Variants in SUSD6 observed in about 807,000 individuals in gnomAD.
SUSD6 encodes sushi domain containing 6.
Under a neutral mutation model 28.4 loss-of-function variants are expected in SUSD6, and 16 were observed. The observed-to-expected ratio is 0.56, with a 90% CI of 0.38 to 0.86. The LOEUF is 0.86. Among genes scored for constraint, SUSD6 ranks in the 40% least tolerant of loss-of-function variants. The pLI, the probability that SUSD6 is intolerant of heterozygous loss-of-function variation, is 0.00. For synonymous variants in SUSD6, 147 were observed against 159.6 expected (o/e 0.92, Z 0.59); for missense variants, 341 against 384.2 (o/e 0.89, Z 0.94).
intron 2 of SUSD6, among the ~76,000 whole-genome samples, chr14:69,664,895 A>G (rs996843452): frequency 6.6e-6 from 1 of 152,320 alleles, no homozygotes; most frequent in East Asian, 1.9e-4. Flanking sequence ...CAATGATTCT[A>G]GGTAGGTTTC....
At chr14:69,680,903 C>G (rs1885988521) in intron 2 of SUSD6, among the ~76,000 whole-genome samples, 1 of 152,186 alleles carries the variant, frequency 6.6e-6, no homozygotes, top group African/African-American at 2.4e-5. Flanking sequence ...GCAAAGTTAT[C>G]TTGGTCTTTG....
At chr14:69,709,324 C>A (rs757415135) in intron 5 of SUSD6, among the ~76,000 whole-genome samples, 1 of 152,122 alleles carries the variant, frequency 6.6e-6, no homozygotes, top group African/African-American at 2.4e-5. Context: ...GAATTCTGAT[C>A]GTTTGGAGTC....
chr14:69,711,763 GATA>G lies in SUSD6; in HGVS notation c.*787_*789del, dbSNP rs1466196188. 1 of 152,312 alleles carries G rather than the reference GATA, an allele frequency of 6.6e-6. No homozygotes were observed. Among genetic ancestry groups the G allele is most frequent in the Non-Finnish European group, 1.5e-5 (1 of 68,088 alleles). 9.4% of individuals were successfully genotyped at this position (152,312 alleles called of 1,614,324 possible). On this transcript the variant is annotated 3_prime_UTR_variant, in exon 6 of 6. Transcript: ENST00000342745. ...CCCAAGGGAGAGAAGGAAAATGGCT[GATA>G]ATGATTGTCTTCCTAATATGCAAGT... is the stretch of plus-strand genomic sequence containing the variant.
intron 1 of SUSD6, among the ~76,000 whole-genome samples, chr14:69,641,797 G>A (rs544308721): frequency 6.6e-6 from 1 of 151,088 alleles, no homozygotes; most frequent in Admixed American, 6.6e-5. Context: ...AGGAGGGGGG[G>A]TCTCCCTATG....
In SUSD6 at chr14:69,647,598, G is replaced by A. The variant is rs550605654; in HGVS notation, c.-80-10915G>A. ...TTTCTAACATAAAGGCTGAGGATGTGTATTTAACCGTTTTGCCAAGTTTAT... is the reference window on the plus strand; with the variant it reads ...TTTCTAACATAAAGGCTGAGGATGTATATTTAACCGTTTTGCCAAGTTTAT... On this transcript the variant is annotated intron_variant, in intron 1 of 5. Coordinates refer to ENST00000342745, the MANE Select transcript of SUSD6 (RefSeq NM_014734.4). Among the ~76,000 whole-genome samples, 9 of 151,918 alleles carry A rather than the reference G, an allele frequency of 5.9e-5. No individual in the cohort carries two copies. In the South Asian group the frequency reaches 1.9e-3, roughly 32 times the overall value.
chr14:69,673,404 A>G (rs1426614515), intron 2 of SUSD6, among the ~76,000 whole-genome samples: 1 of 151,910 alleles, frequency 6.6e-6, no homozygotes, highest in East Asian at 1.9e-4. Flanking sequence ...AACTTTGAGA[A>G]CCACCAATTT....
chr14:69,670,304 T>C (rs2139622436), intron 2 of SUSD6, among the ~76,000 whole-genome samples: 1 of 152,350 alleles, frequency 6.6e-6, no homozygotes, highest in Middle Eastern at 3.4e-3. Flanking sequence ...AGCACTCTGA[T>C]TTATTCCACA....
rs111237771 is a variant in SUSD6 at position 69,634,762 on chromosome 14, C to G, written c.-81+22934C>G. Among the ~76,000 whole-genome samples the G allele has an allele frequency of 3.3e-3, 505 of 152,302 alleles. 1 individual carries two copies. Among genetic ancestry groups the G allele is most frequent in the African/African-American group, 0.012 (486 of 41,562 alleles). On this transcript the variant is annotated intron_variant, in intron 1 of 5. Coordinates refer to ENST00000342745, the MANE Select transcript of SUSD6 (RefSeq NM_014734.4). ...CTCACAAACTTTATCCAAAACATGT[C>G]TTTACATCTTTTATTTCTGGTAAAT...
intron 1 of SUSD6, among the ~76,000 whole-genome samples, chr14:69,637,639 AC>A (rs1177139123): frequency 6.6e-6 from 1 of 151,968 alleles, no homozygotes; most frequent in African/African-American, 2.4e-5. Flanking sequence ...TGCCATCCCC[AC>A]CCCCAGGACA....
chr14:69,635,337 A>G (rs1885248304), intron 1 of SUSD6, among the ~76,000 whole-genome samples: 1 of 152,206 alleles, frequency 6.6e-6, no homozygotes, highest in Non-Finnish European at 1.5e-5. Context: ...AAGGCCTTTT[A>G]CAATAGTACA....
In SUSD6 at chr14:69,712,965, AC is replaced by A. The variant is rs1361282499; in HGVS notation, c.*1988del. 3 of 152,276 alleles carry A rather than the reference AC, an allele frequency of 2.0e-5. No homozygotes were observed. The highest frequency in any genetic ancestry group is 4.4e-5 in the Non-Finnish European group (3 of 68,130). The allele number at this position is 152,276 out of a possible 1,614,324, so 9.4% of individuals were successfully genotyped here. A position where few individuals can be genotyped will look rare whatever the true frequency, so the allele number is the denominator to read the frequency against. On this transcript the variant is annotated 3_prime_UTR_variant, in exon 6 of 6. Transcript: ENST00000342745. The stretch of plus-strand genomic sequence containing the variant: ...TGTCCCTAATGGCCCCAGTCGCCTT[AC>A]CTCACCCACAGCAGTGCCCTTGTCT...
intron 2 of SUSD6, among the ~76,000 whole-genome samples, chr14:69,690,117 T>A (rs946059041): frequency 2.6e-5 from 4 of 152,252 alleles, no homozygotes; most frequent in African/African-American, 9.6e-5. Context: ...AGGCATTGTC[T>A]TCTGACTGGG....
At chr14:69,677,880 T>G (rs77067134) in intron 2 of SUSD6, among the ~76,000 whole-genome samples, 6,087 of 152,272 alleles carry the variant, frequency 0.04, 435 homozygotes, top group African/African-American at 0.14. Context: ...AATTAACACT[T>G]ATAAACATGT....
intron 1 of SUSD6, among the ~76,000 whole-genome samples, chr14:69,654,771 CTTT>C (rs747847939): frequency 1.2e-4 from 15 of 122,422 alleles, no homozygotes; most frequent in Admixed American, 1.8e-4. Context: ...TTACCAATTT[CTTT>C]TTTTTTTTTT....
intron 1 of SUSD6, among the ~76,000 whole-genome samples, chr14:69,656,606 A>ACAG (rs1305796117): frequency 1.3e-5 from 2 of 152,214 alleles, no homozygotes; most frequent in East Asian, 3.9e-4. Flanking sequence ...AATGATTACA[A>ACAG]CAGCAGCAGC....
At position 69,708,675 on chromosome 14, in the gene SUSD6, A is replaced by G; in HGVS notation, c.459-2A>G. The G allele has an allele frequency of 6.4e-7, 1 of 1,553,938 alleles. No individual in the cohort carries two copies. The highest frequency in any genetic ancestry group is 1.2e-5 in the South Asian group (1 of 82,474). On this transcript the variant is annotated splice_acceptor_variant, in intron 4 of 5. Coordinates refer to ENST00000342745, the MANE Select transcript of SUSD6 (RefSeq NM_014734.4). LOFTEE classifies it high-confidence loss of function. ...CCTTTGTCTTTTCCTCCTCCACTCC[A>G]GGCGTGACCAGGGGGTATCTGGGGA...
chr14:69,679,694 G>A (rs1410377901), intron 2 of SUSD6, among the ~76,000 whole-genome samples: 1 of 151,648 alleles, frequency 6.6e-6, no homozygotes, highest in African/African-American at 2.4e-5. Flanking sequence ...GGACACCCCT[G>A]GTGTAAAGGA....
intron 1 of SUSD6, 110 bp from the exon 2 acceptor site, chr14:69,658,403 C>G: frequency 1.6e-6 from 1 of 609,762 alleles, no homozygotes; most frequent in Non-Finnish European, 2.8e-6. Context: ...CGAATAGTTG[C>G]TAGAATTCTC....
At chr14:69,703,847 T>A (rs1886347422) in intron 3 of SUSD6, 2 of 548,852 alleles carry the variant, frequency 3.6e-6, no homozygotes, top group South Asian at 2.1e-5. Flanking sequence ...GGATCTCTTG[T>A]TTGCATGGCC....
Sources: gnomAD v4.1 joint callset for allele counts (sites outside exome capture counted in the v4.1 genomes callset) on GRCh38, gnomAD v4.1.1 for gene constraint, MANE v1.5 for transcripts, NCBI Gene and HGNC (gene_info 2026-07-23, HGNC 2026-07-21) for gene names.